Variants in ATF7IP observed in about 807,000 individuals in gnomAD.
ATF7IP encodes the protein activating transcription factor 7 interacting protein.
Under a neutral mutation model 106.4 loss-of-function variants are expected in ATF7IP, and 23 were observed. The observed-to-expected ratio is 0.22, with a 90% CI of 0.16 to 0.31. ATF7IP has a LOEUF of 0.31. Ranked by LOEUF, ATF7IP falls within the 10% of genes least tolerant of loss-of-function variation. The probability of loss-of-function intolerance (pLI) is 1.00; values close to 1 mark genes in which losing one functional copy is unlikely to be tolerated. For missense variants in ATF7IP, 1,334 were observed against 1,524.3 expected (o/e 0.88, Z 2.08); for synonymous variants, 542 against 539.0 (o/e 1.01, Z -0.08).
At chr12:14,406,836 C>T (rs1940618064) in intron 1 of ATF7IP, among the ~76,000 whole-genome samples, 2 of 152,014 alleles carry the variant, frequency 1.3e-5, no homozygotes, top group Non-Finnish European at 1.5e-5. Flanking sequence ...TTGTGATCCA[C>T]CCACCTCAGC....
intron 7 of ATF7IP, among the ~76,000 whole-genome samples, chr12:14,456,942 A>G (rs1943450039): frequency 6.6e-6 from 1 of 152,262 alleles, no homozygotes; most frequent in South Asian, 2.1e-4. Context: ...TGTATATATT[A>G]GGACCTACTT....
intron 6 of ATF7IP, 146 bp downstream of exon 6, chr12:14,447,199 C>G (rs1402506871): frequency 2.1e-6 from 1 of 481,932 alleles, no homozygotes; most frequent in African/African-American, 2.0e-5. Context: ...ATCTTCAGCC[C>G]TAGAACTAAT....
chr12:14,443,463 G>A (rs995148915), intron 5 of ATF7IP, among the ~76,000 whole-genome samples: 1 of 152,120 alleles, frequency 6.6e-6, no homozygotes, highest in South Asian at 2.1e-4. Context: ...ACAATTATAC[G>A]TTACTCTGCT....
intron 1 of ATF7IP, among the ~76,000 whole-genome samples, chr12:14,391,067 GA>G (rs1314334231): frequency 6.6e-6 from 1 of 152,190 alleles, no homozygotes; most frequent in African/African-American, 2.4e-5. Context: ...TTCACACTTT[GA>G]AAAGAGAAAG....
At chr12:14,444,272 G>T (rs1942849022) in intron 5 of ATF7IP, among the ~76,000 whole-genome samples, 1 of 152,106 alleles carries the variant, frequency 6.6e-6, no homozygotes, top group South Asian at 2.1e-4. Context: ...ATTTATGACA[G>T]CCTAATACAG....
rs1238666527 is a variant in ATF7IP at position 14,480,995 on chromosome 12, T to G, written c.3098-8T>G. The G allele has an allele frequency of 6.2e-7, 1 of 1,612,728 alleles. No individual in the cohort carries two copies. The highest frequency in any genetic ancestry group is 8.5e-7 in the Non-Finnish European group (1 of 1,179,350). On this transcript the variant is annotated splice_region_variant and splice_polypyrimidine_tract_variant and intron_variant, in intron 12 of 14. Coordinates refer to ENST00000261168, the MANE Select transcript of ATF7IP (RefSeq NM_018179.5). ...GTATTCTTAATATCTTTTTCTGCCT[T>G]GCATTAGCTCCAACTACCGTGAATG...
intron 2 of ATF7IP, among the ~76,000 whole-genome samples, chr12:14,430,473 A>G (rs1375032451): frequency 6.6e-6 from 1 of 152,212 alleles, no homozygotes; most frequent in Admixed American, 6.5e-5. Flanking sequence ...CATAGGAGAT[A>G]TTATTTGCCA....
chr12:14,398,040 T>A (rs564189614), intron 1 of ATF7IP, among the ~76,000 whole-genome samples: 1 of 152,272 alleles, frequency 6.6e-6, no homozygotes, highest in South Asian at 2.1e-4. Context: ...CGTTATTATG[T>A]TTTCTTAATA....
chr12:14,424,860 T>C lies in ATF7IP; in HGVS notation c.945T>C (p.Asp315=). 1 of 1,611,384 alleles carries C rather than the reference T, an allele frequency of 6.2e-7. No homozygotes were observed. Among genetic ancestry groups the C allele is most frequent in the Non-Finnish European group, 8.5e-7 (1 of 1,179,388 alleles). Residue 315 remains aspartate, a synonymous_variant, in exon 2 of 15, where the codon GAT becomes GAC. Coordinates refer to ENST00000261168, the MANE Select transcript of ATF7IP (RefSeq NM_018179.5). ...NIEPSSNKDD[D]FLEKNGADEK... is the part of the protein sequence containing the mutation. ...AACCAAGTAGCAATAAAGATGATGA[T>C]TTTCTTGAAAAAAATGGAGCTGATG...
chr12:14,386,436 C>T (rs973270085), intron 1 of ATF7IP, among the ~76,000 whole-genome samples: 4 of 151,958 alleles, frequency 2.6e-5, no homozygotes, highest in South Asian at 2.1e-4. Flanking sequence ...CTGGTTTTGT[C>T]CGTAGAGTAT....
intron 2 of ATF7IP, among the ~76,000 whole-genome samples, chr12:14,433,600 G>A (rs1316323224): frequency 6.6e-6 from 1 of 151,878 alleles, no homozygotes; most frequent in Non-Finnish European, 1.5e-5. Flanking sequence ...AACCCGGGAG[G>A]CGGAGGTTGC....
At chr12:14,367,795 G>A (rs1352693445) in intron 1 of ATF7IP, among the ~76,000 whole-genome samples, 1 of 152,034 alleles carries the variant, frequency 6.6e-6, no homozygotes, top group African/African-American at 2.4e-5. Context: ...ATATAATCAT[G>A]TAAACTTAAT....
At position 14,365,802 on chromosome 12, in the gene ATF7IP, C is replaced by G. The variant is rs994572465; in HGVS notation, c.-33C>G. 5 of 153,556 alleles carry G rather than the reference C, an allele frequency of 3.3e-5. No homozygotes were observed. The highest frequency in any genetic ancestry group is 2.0e-4 in the Admixed American group (3 of 15,286). The allele number at this position is 153,556 out of a possible 1,614,324, so 9.5% of individuals were successfully genotyped here. ...GCTCTGTAGGAAGGAACTTGGTTCCCCCTCCCTCAGCTTCCGCCCCAAAAG... is the reference window on the plus strand; with the variant it reads ...GCTCTGTAGGAAGGAACTTGGTTCCGCCTCCCTCAGCTTCCGCCCCAAAAG... On this transcript the variant is annotated 5_prime_UTR_variant, in exon 1 of 15. Transcript: ENST00000261168.
Position 14,371,757 on chromosome 12 carries a change from T to C in ATF7IP, c.-8+5930T>C, listed in dbSNP as rs564966526. ...GATTCTGAATCAGAGAATATTGTTA[T>C]ATTTAACCTATTTCAGAAGGGAAAT... On this transcript the variant is annotated intron_variant, in intron 1 of 14. Transcript: ENST00000261168. 3.5e-4 allele frequency among the ~76,000 whole-genome samples: 53 copies of C among 152,264 alleles called. No individual in the cohort carries two copies. The South Asian group carries it at 0.01, about 30-fold the overall frequency.
At chr12:14,487,501 T>TA (rs1228145761) in intron 13 of ATF7IP, among the ~76,000 whole-genome samples, 4 of 152,190 alleles carry the variant, frequency 2.6e-5, no homozygotes, top group Non-Finnish European at 5.9e-5. Flanking sequence ...TCACAGGCTT[T>TA]ATTTCCTCAG....
intron 1 of ATF7IP, among the ~76,000 whole-genome samples, chr12:14,373,029 T>G (rs1938590897): frequency 6.6e-6 from 1 of 152,164 alleles, no homozygotes; most frequent in South Asian, 2.1e-4. Context: ...ATCTGCTGTT[T>G]TGAGGACCAG....
At chr12:14,466,228 T>G (rs1255705550) in intron 9 of ATF7IP, 1 of 241,732 alleles carries the variant, frequency 4.1e-6, no homozygotes, top group African/African-American at 2.3e-5. Flanking sequence ...AACTATTTCC[T>G]CATGTTAGAA....
chr12:14,369,505 A>G (rs1353695614), intron 1 of ATF7IP, among the ~76,000 whole-genome samples: 1 of 152,040 alleles, frequency 6.6e-6, no homozygotes, highest in African/African-American at 2.4e-5. Flanking sequence ...GTGCACCACC[A>G]TGCCCTGCTT....
chr12:14,442,032 A>G (rs527594336), intron 5 of ATF7IP, among the ~76,000 whole-genome samples: 11 of 152,270 alleles, frequency 7.2e-5, no homozygotes, highest in African/African-American at 2.4e-4. Flanking sequence ...GTAGTTACTA[A>G]TAAGGAAAAA....
Sources: gnomAD v4.1 joint callset for allele counts (sites outside exome capture counted in the v4.1 genomes callset) on GRCh38, gnomAD v4.1.1 for gene constraint, MANE v1.5 for transcripts, NCBI Gene and HGNC (gene_info 2026-07-23, HGNC 2026-07-21) for gene names.